Variants in GTF3A observed in about 807,000 individuals in gnomAD.
GTF3A encodes transcription factor IIIA.
In GTF3A, 40 loss-of-function variants were observed where a neutral mutation model predicts 37.6. The ratio of observed to expected loss-of-function variants is 1.06; its 90% CI spans 0.83 to 1.38. The LOEUF (loss-of-function observed/expected upper bound fraction) is 1.38, where lower values mean the gene tolerates loss of function less well. GTF3A is among the 40% of genes most tolerant of loss of function. The pLI, the probability that GTF3A is intolerant of heterozygous loss-of-function variation, is 0.00. For missense variants in GTF3A, 500 were observed against 462.6 expected, an observed-to-expected ratio of 1.08 and a Z score of -0.74; for synonymous variants, 191 against 166.7, an observed-to-expected ratio of 1.15 and a Z score of -1.12.
At chr13:27,429,822 T>A in intron 2 of GTF3A, 48 bp from the exon 3 acceptor site, 2 of 995,722 alleles carry the variant, frequency 2.0e-6, no homozygotes, top group Middle Eastern at 2.3e-4. Context: ...TCTTAAAACT[T>A]CTTCTCCCTT....
chr13:27,429,905 C>T lies in GTF3A; in HGVS notation c.338C>T (p.Thr113Ile). ...AATGGCTGTGATCAAAAATTCAACA[C>T]AAAATCAAACTTGAAGAAACATTTT... Residue 113 changes from threonine to isoleucine, a missense_variant, in exon 3 of 9, where the codon ACA (threonine) becomes ATA (isoleucine). Thr to Ile is a moderately conservative substitution (Grantham distance 89). Coordinates refer to ENST00000381140, the MANE Select transcript of GTF3A (RefSeq NM_002097.3). The T allele has an allele frequency of 6.5e-7, 1 of 1,535,964 alleles. No individual in the cohort carries two copies. The highest frequency in any genetic ancestry group is 8.8e-7 in the Non-Finnish European group (1 of 1,141,574).
rs780961269 is a variant in GTF3A at position 27,435,183 on chromosome 13, G to A, written c.924G>A (p.Met308Ile). Reference sequence around the variant, plus strand: ...TACATGATCCTGACAAGAAGAAAATGAAGCTCAAAGTAAGTTGAAACTACT... The same window carrying A: ...TACATGATCCTGACAAGAAGAAAATAAAGCTCAAAGTAAGTTGAAACTACT... The change falls in exon 8 of 9, where the codon ATG becomes ATA. Residue 308 changes from methionine to isoleucine, a missense_variant. Physicochemically the swap from Met to Ile is conservative, Grantham distance 10. Coordinates refer to ENST00000381140, the MANE Select transcript of GTF3A (RefSeq NM_002097.3). 6.3e-7 allele frequency: 1 copy of A among 1,598,210 alleles called. No individual in the cohort carries two copies.
chr13:27,430,538 T>C lies in GTF3A; in HGVS notation c.405T>C (p.Ser135=). 6.2e-7 allele frequency: 1 copy of C among 1,604,146 alleles called. No homozygotes were observed. The highest frequency in any genetic ancestry group is 8.5e-7 in the Non-Finnish European group (1 of 1,171,610). The change falls in exon 4 of 9, where the codon AGT becomes AGC. Residue 135 remains serine (S), a synonymous_variant. Coordinates refer to ENST00000381140, the MANE Select transcript of GTF3A (RefSeq NM_002097.3). ...GAGCCTTTACAATTTAACAGTGCAG[T>C]TTTGAAGACTGTAAGAAGACCTTTA... is the stretch of plus-strand genomic sequence containing the variant.
At chr13:27,428,800 G>T (rs565896113) in intron 2 of GTF3A, among the ~76,000 whole-genome samples, 20 of 152,330 alleles carry the variant, frequency 1.3e-4, no homozygotes, top group African/African-American at 4.8e-4. Flanking sequence ...GAGCTCTGGA[G>T]CCTCTTCTGA....
intron 5 of GTF3A, among the ~76,000 whole-genome samples, chr13:27,433,209 CAA>C (rs35654423): frequency 3.1e-4 from 40 of 130,706 alleles, no homozygotes; most frequent in Admixed American, 4.0e-4. Flanking sequence ...TTACGTTTCT[CAA>C]AAAAAAAAAA....
Position 27,430,557 on chromosome 13 carries a change from AC to A in GTF3A, c.426del (p.Phe143LeufsTer7). On this transcript the variant is annotated frameshift_variant, in exon 4 of 9. Transcript: ENST00000381140. LOFTEE classifies it high-confidence loss of function. ...GTGCAGTTTTGAAGACTGTAAGAAG[AC>A]CTTTAAGAAACATCAGCAGCTGAAA... 1.2e-6 allele frequency: 2 copies of A among 1,611,302 alleles called. No homozygotes were observed.
At chr13:27,429,644 T>G (rs10220056) in intron 2 of GTF3A, among the ~76,000 whole-genome samples, 20,184 of 152,216 alleles carry the variant, frequency 0.13, 1,765 homozygotes, top group Non-Finnish European at 0.18. Context: ...ACTGATGTAG[T>G]GTGTATAATT....
At chr13:27,431,370 A>G (rs1953655320) in intron 4 of GTF3A, among the ~76,000 whole-genome samples, 1 of 152,224 alleles carries the variant, frequency 6.6e-6, no homozygotes, top group Non-Finnish European at 1.5e-5. Context: ...ACAATTGCAA[A>G]TACATGGAGC....
rs770992218 is a variant in GTF3A at position 27,434,237 on chromosome 13, G to T, written c.643+18G>T. On this transcript the variant is annotated intron_variant, in intron 6 of 8. Coordinates refer to ENST00000381140, the MANE Select transcript of GTF3A (RefSeq NM_002097.3). ...CCATAAAGGTAAGGCAGGCATGAAT[G>T]GCAGGCATGGTGTAAATGTTTGTCC... is the stretch of plus-strand genomic sequence containing the variant. 4.1e-5 allele frequency: 37 copies of T among 909,412 alleles called. No homozygotes were observed. The highest frequency in any genetic ancestry group is 5.1e-5 in the Admixed American group (3 of 59,120). 56.3% of individuals were successfully genotyped at this position (909,412 alleles called of 1,614,324 possible). A position where few individuals can be genotyped will look rare whatever the true frequency, so the allele number is the denominator to read the frequency against.
rs746866245 is a variant in GTF3A, at chr13:27,430,475, G to A, written c.400-58G>A. 2.3e-4 allele frequency: 239 copies of A among 1,048,708 alleles called. 2 individuals carry two copies. In the South Asian group the frequency reaches 2.4e-3, roughly 11 times the overall value. 65.0% of individuals were successfully genotyped at this position (1,048,708 alleles called of 1,614,324 possible). A position where few individuals can be genotyped will look rare whatever the true frequency, so the allele number is the denominator to read the frequency against. On this transcript the variant is annotated intron_variant, in intron 3 of 8. Transcript: ENST00000381140. ...TGTTTTATCTTGAGGATTCTGTTACGAACTGTTCATTTTGTTTTGACTTTC... is the reference window on the plus strand; with the variant it reads ...TGTTTTATCTTGAGGATTCTGTTACAAACTGTTCATTTTGTTTTGACTTTC...
At chr13:27,434,601 A>G (rs911023020) in intron 6 of GTF3A, 7 of 577,904 alleles carry the variant, frequency 1.2e-5, no homozygotes, top group South Asian at 2.3e-5. Context: ...CAAGTGAACA[A>G]TGACTGTGTG....
rs1195059142 is a variant in GTF3A at position 27,427,246 on chromosome 13, A to G, written c.302+54A>G. The G allele has an allele frequency of 9.7e-6, 8 of 825,476 alleles. 1 individual carries two copies. The highest frequency in any genetic ancestry group is 6.0e-5 in the Admixed American group (3 of 50,330). 51.1% of individuals were successfully genotyped at this position (825,476 alleles called of 1,614,324 possible). A position where few individuals can be genotyped will look rare whatever the true frequency, so the allele number is the denominator to read the frequency against. ...GAAGTGGGTTGTGTTGGGCATATAGACCCAGTAAGAAGATTGATGTTAACT... is the reference window on the plus strand; with the variant it reads ...GAAGTGGGTTGTGTTGGGCATATAGGCCCAGTAAGAAGATTGATGTTAACT... On this transcript the variant is annotated intron_variant, in intron 2 of 8. Transcript: ENST00000381140.
intron 2 of GTF3A, among the ~76,000 whole-genome samples, chr13:27,427,926 G>A (rs1264062672): frequency 1.3e-5 from 2 of 152,030 alleles, no homozygotes; most frequent in Non-Finnish European, 2.9e-5. Context: ...GTAGTTCCCC[G>A]TTTCCCACTG....
At chr13:27,428,634 G>A (rs1295320040) in intron 2 of GTF3A, among the ~76,000 whole-genome samples, 2 of 152,156 alleles carry the variant, frequency 1.3e-5, no homozygotes, top group Non-Finnish European at 2.9e-5. Context: ...GTCTTGTCAG[G>A]ACTCTTCCTG....
In GTF3A at chr13:27,434,184, C is replaced by A; in HGVS notation, c.608C>A (p.Thr203Lys). 7.1e-7 allele frequency: 1 copy of A among 1,416,932 alleles called. No homozygotes were observed. Among genetic ancestry groups the A allele is most frequent in the Non-Finnish European group, 1.0e-6 (1 of 1,000,102 alleles). The allele number at this position is 1,416,932 out of a possible 1,614,324, so 87.8% of individuals were successfully genotyped here. A position where few individuals can be genotyped will look rare whatever the true frequency, so the allele number is the denominator to read the frequency against. Residue 203 changes from threonine (T) to lysine (K), a missense_variant, in exon 6 of 9, where the codon ACG becomes AAG. Physicochemically the swap from Thr to Lys is moderately conservative, Grantham distance 78. Transcript: ENST00000381140. The stretch of plus-strand genomic sequence containing the variant: ...TGTTCCTTTGTGGCAAAAACATGGA[C>A]GGAACTTCTGAAACATGTGAGAGAA...
At chr13:27,434,607 G>A (rs942448926) in intron 6 of GTF3A, 198 bp from the exon 7 acceptor site, 22 of 580,858 alleles carry the variant, frequency 3.8e-5, no homozygotes, top group Admixed American at 6.5e-5. Flanking sequence ...AACAATGACT[G>A]TGTGGCATTT....
chr13:27,432,677 G>C, intron 4 of GTF3A, 54 bp from the exon 5 acceptor site: 4 of 1,428,468 alleles, frequency 2.8e-6, no homozygotes, highest in Non-Finnish European at 3.9e-6. Flanking sequence ...TTGACCTTGA[G>C]CGGAGTTCTC....
rs370492811 is a variant in GTF3A, at chr13:27,435,572, C to T, written c.1073C>T (p.Thr358Ile). 1.9e-6 allele frequency: 3 copies of T among 1,613,494 alleles called. No individual in the cohort carries two copies. The highest frequency in any genetic ancestry group is 2.7e-5 in the African/African-American group (2 of 74,930). ...TGTGTGGAAGACAAGATGCTCTCGA[C>T]AGTTGCAGTACTTACCCTTGGCTAA... The change falls in exon 9 of 9, where the codon ACA becomes ATA. Residue 358 changes from threonine (T) to isoleucine (I), a missense_variant. Thr to Ile is a moderately conservative substitution (Grantham distance 89). Coordinates refer to ENST00000381140, the MANE Select transcript of GTF3A (RefSeq NM_002097.3).
chr13:27,435,063 C>T (rs1470564222), intron 7 of GTF3A, 29 bp downstream of exon 7: 1 of 1,535,338 alleles, frequency 6.5e-7, no homozygotes, highest in Admixed American at 1.7e-5. Flanking sequence ...ACTCATGGTC[C>T]TATAGTCTAT....
Sources: gnomAD v4.1 joint callset for allele counts (sites outside exome capture counted in the v4.1 genomes callset) on GRCh38, gnomAD v4.1.1 for gene constraint, MANE v1.5 for transcripts, NCBI Gene and HGNC (gene_info 2026-07-23, HGNC 2026-07-21) for gene names.